The following MYRFL variants were observed in gnomAD, a reference collection of about 807,000 sequenced individuals.
The protein encoded by MYRFL is myelin regulatory factor like, also known as myelin regulatory factor-like protein.
MYRFL carries 88 observed loss-of-function variants against 109.4 expected under a neutral mutation model. The ratio of observed to expected loss-of-function variants is 0.80; its 90% confidence interval spans 0.68 to 0.96. The LOEUF is 0.96. MYRFL is among the 40% of genes least tolerant of loss of function. The pLI, the probability that MYRFL is intolerant of heterozygous loss-of-function variation, is 0.00. For missense variants in MYRFL, 957 were observed against 954.9 expected, an observed-to-expected ratio of 1.00 and a Z score of -0.03; for synonymous variants, 324 against 320.9, an observed-to-expected ratio of 1.01 and a Z score of -0.10.
At chr12:69,932,162 A>T (rs1955292639) in intron 15 of MYRFL, among the ~76,000 whole-genome samples, 1 of 139,808 alleles carries the variant, frequency 7.2e-6, no homozygotes, top group Non-Finnish European at 1.6e-5. Flanking sequence ...ACTCAAAGAG[A>T]TGCACATCAT....
Position 69,886,826 on chromosome 12 carries a change from G to C in MYRFL, c.563G>C (p.Ser188Thr). ...CGCACCTGTTTCTTTGCAGTGACAA[G>C]TAGGAGTCGCAGCAGTGAAGTCCAG... is the stretch of plus-strand genomic sequence containing the variant. ...VWACHCRPMT[S>T]RSRSSEVQDP... Residue 188 changes from serine (S) to threonine (T), a missense_variant, in exon 6 of 25, where the codon AGT becomes ACT. By Grantham distance (58) the Ser-to-Thr change is moderately conservative. Coordinates refer to ENST00000552032, the MANE Select transcript of MYRFL (RefSeq NM_182530.3). 1 of 1,535,904 alleles carries C rather than the reference G, an allele frequency of 6.5e-7. No homozygotes were observed. Among genetic ancestry groups the C allele is most frequent in the Non-Finnish European group, 8.7e-7 (1 of 1,146,724 alleles).
intron 16 of MYRFL, among the ~76,000 whole-genome samples, chr12:69,932,897 G>GTGTA (rs1955316401): frequency 6.6e-6 from 1 of 150,868 alleles, no homozygotes; most frequent in Non-Finnish European, 1.5e-5. Flanking sequence ...GTGTGTGTGT[G>GTGTA]TGTATGTGTG....
chr12:69,945,026 A>T (rs1006305485), intron 19 of MYRFL, among the ~76,000 whole-genome samples: 3 of 152,178 alleles, frequency 2.0e-5, no homozygotes, highest in Admixed American at 2.0e-4. Flanking sequence ...GTGAAAAAAA[A>T]TTAAAATAAA....
chr12:69,952,214 C>G (rs763085809), intron 20 of MYRFL, 39 bp downstream of exon 20: 1 of 1,509,178 alleles, frequency 6.6e-7, no homozygotes, highest in Middle Eastern at 1.7e-4. Flanking sequence ...TTTGGCTTTG[C>G]GGGGCCAGGC....
At chr12:69,865,461 T>C (rs1373716464) in intron 2 of MYRFL, among the ~76,000 whole-genome samples, 2 of 152,160 alleles carry the variant, frequency 1.3e-5, no homozygotes, top group East Asian at 3.9e-4. Context: ...CTGGGTTTTA[T>C]GGCTCGCTTT....
At chr12:69,845,938 T>C (rs1372909563) in intron 1 of MYRFL, among the ~76,000 whole-genome samples, 1 of 152,072 alleles carries the variant, frequency 6.6e-6, no homozygotes, top group Non-Finnish European at 1.5e-5. Context: ...CATGCAGTGC[T>C]CTTGACACCC....
intron 11 of MYRFL, among the ~76,000 whole-genome samples, chr12:69,907,125 A>G (rs1471143627): frequency 2.6e-5 from 4 of 152,222 alleles, no homozygotes; most frequent in Non-Finnish European, 4.4e-5. Context: ...GGCCAAGTGT[A>G]CACATAGGGA....
chr12:69,919,758 A>G (rs145289730), intron 13 of MYRFL, among the ~76,000 whole-genome samples: 298 of 152,308 alleles, frequency 2.0e-3, no homozygotes, highest in African/African-American at 6.4e-3. Context: ...CATTTTTACA[A>G]TGCTCGATTA....
chr12:69,878,727 G>A (rs536406326), intron 2 of MYRFL, among the ~76,000 whole-genome samples: 2 of 152,274 alleles, frequency 1.3e-5, no homozygotes, highest in African/African-American at 4.8e-5. Context: ...CTGTGAGGTA[G>A]ATGTAATGAT....
chr12:69,917,157 C>T (rs1322703744), intron 13 of MYRFL, among the ~76,000 whole-genome samples: 1 of 152,114 alleles, frequency 6.6e-6, no homozygotes. Flanking sequence ...TCCTTAACCA[C>T]CCCATATAAA....
At chr12:69,854,246 G>A (rs1483452776) in intron 1 of MYRFL, among the ~76,000 whole-genome samples, 4 of 152,082 alleles carry the variant, frequency 2.6e-5, no homozygotes, top group Non-Finnish European at 5.9e-5. Context: ...TCGGCAGGCT[G>A]AGGCAGGAGA....
At chr12:69,928,074 G>A (rs115053416) in intron 15 of MYRFL, among the ~76,000 whole-genome samples, 256 of 152,232 alleles carry the variant, frequency 1.7e-3, no homozygotes, top group Middle Eastern at 6.8e-3. Context: ...TGCCTTGACC[G>A]CCACCCCCTT....
Position 69,926,749 on chromosome 12 carries a change from G to A in MYRFL, c.1766+15G>A, listed in dbSNP as rs547938498. On this transcript the variant is annotated intron_variant, in intron 14 of 24. Coordinates refer to ENST00000552032, the MANE Select transcript of MYRFL (RefSeq NM_182530.3). ...AGCACAATCAGGTACGTGCAGCCAG[G>A]ATTGCCATAGAAATTTGGGGAAAGG... The A allele has an allele frequency of 2.8e-6, 4 of 1,413,282 alleles. No individual in the cohort carries two copies. In the South Asian group the frequency reaches 6.6e-5, roughly 23 times the overall value. The allele number at this position is 1,413,282 out of a possible 1,614,324, so 87.5% of individuals were successfully genotyped here.
chr12:69,938,158 T>TCTC (rs10660371), intron 19 of MYRFL, among the ~76,000 whole-genome samples: 1,543 of 152,352 alleles, frequency 0.01, 32 homozygotes, highest in African/African-American at 0.034. Context: ...GTCATCTTAT[T>TCTC]CTCAATATTT....
intron 13 of MYRFL, among the ~76,000 whole-genome samples, 187 bp downstream of exon 13, chr12:69,911,117 A>G (rs924003008): frequency 1.1e-4 from 17 of 152,238 alleles, no homozygotes; most frequent in Non-Finnish European, 2.2e-4. Context: ...ATAAGCACCA[A>G]AAAGAAGTTC....
Position 69,927,668 on chromosome 12 carries a change from T to A in MYRFL, c.1767-17T>A, listed in dbSNP as rs1267364720. The A allele has an allele frequency of 3.3e-6, 5 of 1,528,842 alleles. No individual in the cohort carries two copies. The South Asian group carries it at 4.9e-5, about 15-fold the overall frequency. The allele number at this position is 1,528,842 out of a possible 1,614,324, so 94.7% of individuals were successfully genotyped here. A position where few individuals can be genotyped will look rare whatever the true frequency, so the allele number is the denominator to read the frequency against. ...AGAGGTATTTGAATAGTAACCAATTTTCTCTCTCTTTTAAAGCAAATCTAG... is the reference window on the plus strand; with the variant it reads ...AGAGGTATTTGAATAGTAACCAATTATCTCTCTCTTTTAAAGCAAATCTAG... On this transcript the variant is annotated splice_polypyrimidine_tract_variant and intron_variant, in intron 14 of 24. Transcript: ENST00000552032.
chr12:69,917,201 G>A (rs1034796710), intron 13 of MYRFL, among the ~76,000 whole-genome samples: 4 of 152,056 alleles, frequency 2.6e-5, no homozygotes, highest in African/African-American at 7.2e-5. Flanking sequence ...CATTTTAAGA[G>A]TCAGGGCCAC....
chr12:69,951,453 G>T (rs1314079135), intron 19 of MYRFL, among the ~76,000 whole-genome samples: 1 of 123,764 alleles, frequency 8.1e-6, no homozygotes, highest in Admixed American at 9.2e-5. Flanking sequence ...TTGAGATGGA[G>T]TTTCACTCTT....
chr12:69,875,619 G>A (rs1885612653), intron 2 of MYRFL, among the ~76,000 whole-genome samples: 2 of 152,154 alleles, frequency 1.3e-5, no homozygotes, highest in Admixed American at 6.5e-5. Flanking sequence ...TTCCCGCCTG[G>A]GCTCTGCCTC....
Sources: gnomAD v4.1 joint callset for allele counts (sites outside exome capture counted in the v4.1 genomes callset) on GRCh38, gnomAD v4.1.1 for gene constraint, MANE v1.5 for transcripts, NCBI Gene and HGNC (gene_info 2026-07-23, HGNC 2026-07-21) for gene names.